Variants in GALNT17 observed in about 807,000 individuals in gnomAD.
GALNT17 encodes the protein UDP-GalNAc:polypeptide N-acetylgalactosaminyltransferase-like 3.
A neutral mutation model predicts 63.7 loss-of-function variants in GALNT17; 29 were observed. The observed-to-expected ratio is 0.46, with a 90% CI of 0.34 to 0.62. The LOEUF (loss-of-function observed/expected upper bound fraction) is 0.62. GALNT17 is among the 20% of genes least tolerant of loss of function. The pLI is 0.01. For synonymous variants in GALNT17, 305 were observed against 318.3 expected, an observed-to-expected ratio of 0.96 and a Z score of 0.45; for missense variants, 603 against 799.6, an observed-to-expected ratio of 0.75 and a Z score of 2.97.
At chr7:71,652,676 C>A (rs1174878034) in intron 6 of GALNT17, among the ~76,000 whole-genome samples, 1 of 152,162 alleles carries the variant, frequency 6.6e-6, no homozygotes, top group Non-Finnish European at 1.5e-5. Flanking sequence ...GTAATTTATG[C>A]GTTAAATTTC....
chr7:71,459,692 T>TG (rs143995778), intron 5 of GALNT17, among the ~76,000 whole-genome samples: 2,892 of 152,236 alleles, frequency 0.019, 39 homozygotes, highest in African/African-American at 0.03. Context: ...CCATTCATTG[T>TG]GGGGGGGAAA....
At chr7:71,310,104 A>G (rs780339109) in intron 1 of GALNT17, among the ~76,000 whole-genome samples, 5 of 152,178 alleles carry the variant, frequency 3.3e-5, no homozygotes, top group African/African-American at 4.8e-5. Context: ...TTCTGTCATG[A>G]TTGTGAGGCC....
Position 71,305,541 on chromosome 7 carries a change from CT to C in GALNT17, c.239-30006del. On this transcript the variant is annotated intron_variant, in intron 1 of 10. Coordinates refer to ENST00000333538, the MANE Select transcript of GALNT17 (RefSeq NM_022479.3). ...CTGGGCTCTCATTTCATGGCGATGT[CT>C]TTGGTCTTTGTGTTGAAAGCAGGAC... Among the ~76,000 whole-genome samples the C allele has an allele frequency of 2.0e-5, 3 of 152,258 alleles. 1 individual carries two copies. The highest frequency in any genetic ancestry group is 6.8e-3 in the Middle Eastern group (2 of 294).
intron 1 of GALNT17, among the ~76,000 whole-genome samples, chr7:71,150,124 T>A (rs559990531): frequency 2.2e-4 from 33 of 152,290 alleles, no homozygotes; most frequent in African/African-American, 7.7e-4. Context: ...CTCATTCCTG[T>A]TCACCATCCT....
At chr7:71,632,483 T>C (rs948982078) in intron 6 of GALNT17, among the ~76,000 whole-genome samples, 3 of 152,182 alleles carry the variant, frequency 2.0e-5, no homozygotes, top group African/African-American at 7.2e-5. Flanking sequence ...AGGGGCCCTG[T>C]TCTGACTTGG....
At chr7:71,691,480 C>G (rs551323285) in intron 9 of GALNT17, among the ~76,000 whole-genome samples, 3 of 152,306 alleles carry the variant, frequency 2.0e-5, no homozygotes, top group African/African-American at 7.2e-5. Context: ...TGCAATATCT[C>G]AAGATATGCC....
At chr7:71,568,720 A>G (rs879423905) in intron 5 of GALNT17, among the ~76,000 whole-genome samples, 1 of 152,178 alleles carries the variant, frequency 6.6e-6, no homozygotes, top group Non-Finnish European at 1.5e-5. Context: ...TTTATTATGT[A>G]AGGGTGACTA....
At chr7:71,538,468 C>T (rs1027284135) in intron 5 of GALNT17, among the ~76,000 whole-genome samples, 6 of 152,122 alleles carry the variant, frequency 3.9e-5, no homozygotes, top group African/African-American at 7.2e-5. Context: ...CGACGGGACG[C>T]GACAGATTAC....
intron 5 of GALNT17, among the ~76,000 whole-genome samples, chr7:71,434,946 C>G (rs535595376): frequency 7.9e-5 from 12 of 152,276 alleles, no homozygotes; most frequent in African/African-American, 2.9e-4. Flanking sequence ...TTCAGGGGAC[C>G]AGTCTGGAGA....
chr7:71,430,721 A>G (rs1432560220), intron 5 of GALNT17, among the ~76,000 whole-genome samples: 2 of 152,200 alleles, frequency 1.3e-5, no homozygotes, highest in Non-Finnish European at 2.9e-5. Flanking sequence ...GATGCCTTGG[A>G]TATATAGTTG....
chr7:71,278,208 T>G (rs1023585554), intron 1 of GALNT17, among the ~76,000 whole-genome samples: 1 of 152,204 alleles, frequency 6.6e-6, no homozygotes, highest in East Asian at 1.9e-4. Context: ...GTTAGTAGCC[T>G]TCTTTACAGA....
chr7:71,347,441 C>T (rs990117632), intron 2 of GALNT17, among the ~76,000 whole-genome samples: 22 of 152,194 alleles, frequency 1.4e-4, no homozygotes, highest in African/African-American at 5.3e-4. Context: ...CTATACATTT[C>T]ACACAATAAT....
intron 1 of GALNT17, among the ~76,000 whole-genome samples, chr7:71,268,296 C>T (rs980862328): frequency 5.3e-5 from 8 of 151,750 alleles, no homozygotes; most frequent in African/African-American, 1.9e-4. Context: ...AATTCCAACA[C>T]ACTGGGAGGT....
chr7:71,627,569 G>C (rs979917720), intron 6 of GALNT17, among the ~76,000 whole-genome samples: 2 of 152,144 alleles, frequency 1.3e-5, no homozygotes, highest in Non-Finnish European at 2.9e-5. Flanking sequence ...CATCAACAGA[G>C]GTACAACCAC....
intron 1 of GALNT17, among the ~76,000 whole-genome samples, chr7:71,319,591 T>C (rs1791566577): frequency 6.6e-6 from 1 of 152,184 alleles, no homozygotes; most frequent in African/African-American, 2.4e-5. Flanking sequence ...AACTCCCATG[T>C]ACTTGACAGC....
chr7:71,244,283 A>G (rs1790054989), intron 1 of GALNT17, among the ~76,000 whole-genome samples: 1 of 152,214 alleles, frequency 6.6e-6, no homozygotes, highest in Non-Finnish European at 1.5e-5. Flanking sequence ...ATGCTTGCCA[A>G]GGTCATTAAG....
chr7:71,657,986 C>A (rs1790854572), intron 6 of GALNT17, among the ~76,000 whole-genome samples: 1 of 152,096 alleles, frequency 6.6e-6, no homozygotes, highest in African/African-American at 2.4e-5. Flanking sequence ...CTCACCGCAG[C>A]CTTGAATTCA....
chr7:71,416,635 C>T (rs548654461), intron 4 of GALNT17, among the ~76,000 whole-genome samples: 5 of 151,914 alleles, frequency 3.3e-5, no homozygotes, highest in South Asian at 2.1e-4. Context: ...AAAAAGAAAA[C>T]GGTGTATCAA....
intron 9 of GALNT17, among the ~76,000 whole-genome samples, chr7:71,709,165 A>G (rs12540691): frequency 0.029 from 4,365 of 152,294 alleles, 88 homozygotes; most frequent in South Asian, 0.044. Context: ...GAACTAATTT[A>G]CCTTCCCACC....
Sources: gnomAD v4.1 joint callset for allele counts (sites outside exome capture counted in the v4.1 genomes callset) on GRCh38, gnomAD v4.1.1 for gene constraint, MANE v1.5 for transcripts, NCBI Gene and HGNC (gene_info 2026-07-23, HGNC 2026-07-21) for gene names.